The following KCNIP4 variants were observed in gnomAD, a reference collection of about 807,000 sequenced individuals.
The protein encoded by KCNIP4 is Kv channel-interacting protein 4.
KCNIP4 carries 12 observed loss-of-function variants against 34.0 expected under a neutral mutation model. The ratio of observed to expected loss-of-function variants is 0.35; its 90% CI spans 0.23 to 0.57. KCNIP4 has a LOEUF of 0.57. KCNIP4 is among the 20% of genes least tolerant of loss of function. The pLI is 0.83. For missense variants in KCNIP4, 238 were observed against 311.7 expected (o/e 0.76, Z 1.78); for synonymous variants, 124 against 102.2 (o/e 1.21, Z -1.29).
At chr4:20,873,152 A>G (rs1157383924) in intron 2 of KCNIP4, among the ~76,000 whole-genome samples, 2 of 152,076 alleles carry the variant, frequency 1.3e-5, no homozygotes, top group East Asian at 1.9e-4. Context: ...GACTTTTGTC[A>G]TCTCTTGTAG....
intron 1 of KCNIP4, among the ~76,000 whole-genome samples, chr4:21,157,926 C>T (rs1166746880): frequency 6.6e-6 from 1 of 151,752 alleles, no homozygotes; most frequent in Non-Finnish European, 1.5e-5. Flanking sequence ...AATCAATAAA[C>T]CTCTAGCCAG....
chr4:20,881,512 T>A (rs78332346), intron 2 of KCNIP4, among the ~76,000 whole-genome samples: 1 of 152,308 alleles, frequency 6.6e-6, no homozygotes, highest in Non-Finnish European at 1.5e-5. Flanking sequence ...TGTTTGATGC[T>A]TGAAAAAAAT....
intron 1 of KCNIP4, among the ~76,000 whole-genome samples, chr4:21,734,250 T>G (rs1715822126): frequency 6.6e-6 from 1 of 152,206 alleles, no homozygotes; most frequent in African/African-American, 2.4e-5. Context: ...ACTCTTATTC[T>G]TCGGTGGAAC....
At chr4:21,169,344 GC>G (rs1753843291) in intron 1 of KCNIP4, among the ~76,000 whole-genome samples, 1 of 151,654 alleles carries the variant, frequency 6.6e-6, no homozygotes, top group South Asian at 2.1e-4. Context: ...CTGAGACGGG[GC>G]CCTTCTATGA....
chr4:20,738,129 C>CA (rs200429048), intron 5 of KCNIP4, among the ~76,000 whole-genome samples: 11,817 of 115,334 alleles, frequency 0.1, 667 homozygotes, highest in African/African-American at 0.2. Context: ...GACTCTGTCT[C>CA]AAAAAAAAAA....
At chr4:21,944,386 A>C (rs1472722031) in intron 1 of KCNIP4, among the ~76,000 whole-genome samples, 1 of 151,812 alleles carries the variant, frequency 6.6e-6, no homozygotes, top group Non-Finnish European at 1.5e-5. Context: ...TCTACTAAAA[A>C]TACAAAAAGA....
At chr4:21,771,832 G>T (rs1718814877) in intron 1 of KCNIP4, among the ~76,000 whole-genome samples, 1 of 152,316 alleles carries the variant, frequency 6.6e-6, no homozygotes, top group East Asian at 1.9e-4. Flanking sequence ...TTTGGGCTGA[G>T]ATGATGGGGT....
chr4:21,042,642 C>A (rs143137113), intron 1 of KCNIP4, among the ~76,000 whole-genome samples: 2 of 152,044 alleles, frequency 1.3e-5, no homozygotes, highest in Non-Finnish European at 2.9e-5. Context: ...TTAGAGTTAA[C>A]AATAATGCAT....
At chr4:21,449,632 A>G (rs914882995) in intron 1 of KCNIP4, among the ~76,000 whole-genome samples, 1 of 147,968 alleles carries the variant, frequency 6.8e-6, no homozygotes, top group Non-Finnish European at 1.5e-5. Flanking sequence ...AAACTTATAT[A>G]TATGTATATA....
At chr4:21,882,238 C>T (rs1191504398) in intron 1 of KCNIP4, among the ~76,000 whole-genome samples, 1 of 152,090 alleles carries the variant, frequency 6.6e-6, no homozygotes, top group East Asian at 1.9e-4. Flanking sequence ...TTATTCAATG[C>T]TCAACTGACT....
intron 1 of KCNIP4, among the ~76,000 whole-genome samples, chr4:21,034,737 G>A (rs1741306808): frequency 6.6e-6 from 1 of 152,164 alleles, no homozygotes; most frequent in African/African-American, 2.4e-5. Flanking sequence ...AGGGAAAAGA[G>A]TTACTGAATT....
intron 1 of KCNIP4, among the ~76,000 whole-genome samples, chr4:21,918,872 T>C (rs1356996092): frequency 6.6e-6 from 1 of 152,182 alleles, no homozygotes; most frequent in East Asian, 1.9e-4. Context: ...CTAGCCACGC[T>C]TCCTTAAGTC....
intron 1 of KCNIP4, among the ~76,000 whole-genome samples, chr4:21,267,469 G>T (rs1330108308): frequency 6.6e-6 from 1 of 151,726 alleles, no homozygotes; most frequent in Non-Finnish European, 1.5e-5. Context: ...CATTCAGTAT[G>T]ATATTGGCTG....
intron 3 of KCNIP4, among the ~76,000 whole-genome samples, chr4:20,825,817 A>T (rs1717692420): frequency 6.6e-6 from 1 of 152,194 alleles, no homozygotes; most frequent in East Asian, 1.9e-4. Context: ...TGCGTAAAGA[A>T]TTTGTGTAGA....
At chr4:21,540,434 G>T (rs1737583979) in intron 1 of KCNIP4, among the ~76,000 whole-genome samples, 1 of 152,178 alleles carries the variant, frequency 6.6e-6, no homozygotes, top group South Asian at 2.1e-4. Flanking sequence ...GGGTACTTCA[G>T]CATGAAGGCT....
chr4:21,332,552 A>G (rs1168952352), intron 1 of KCNIP4, among the ~76,000 whole-genome samples: 1 of 151,988 alleles, frequency 6.6e-6, no homozygotes, highest in African/African-American at 2.4e-5. Context: ...GCACTGTCCA[A>G]CATCTCAAGT....
chr4:21,201,519 T>C (rs4389577), intron 1 of KCNIP4, among the ~76,000 whole-genome samples: 66,754 of 152,052 alleles, frequency 0.44, 16,765 homozygotes, highest in African/African-American at 0.7. Flanking sequence ...GTTTTTGAGA[T>C]GGACTCTCGC....
intron 1 of KCNIP4, among the ~76,000 whole-genome samples, chr4:21,579,494 G>A (rs1441884737): frequency 6.6e-6 from 1 of 152,038 alleles, no homozygotes; most frequent in Non-Finnish European, 1.5e-5. Flanking sequence ...TGCTTGCTAT[G>A]TAATCTATTA....
chr4:20,771,837 T>G (rs968930692), intron 3 of KCNIP4, among the ~76,000 whole-genome samples: 9 of 151,976 alleles, frequency 5.9e-5, no homozygotes, highest in Non-Finnish European at 1.2e-4. Flanking sequence ...GCTCAGCTAA[T>G]TTTTTTGTAT....
Sources: gnomAD v4.1 joint callset for allele counts (sites outside exome capture counted in the v4.1 genomes callset) on GRCh38, gnomAD v4.1.1 for gene constraint, MANE v1.5 for transcripts, NCBI Gene and HGNC (gene_info 2026-07-23, HGNC 2026-07-21) for gene names.